LIPJ: variants seen among roughly 807,000 people sequenced by gnomAD.
The protein encoded by LIPJ is lipase family member J.
LIPJ carries 33 observed loss-of-function variants against 39.8 expected under a neutral mutation model. The observed-to-expected ratio is 0.83, with a 90% CI of 0.63 to 1.11. The LOEUF (loss-of-function observed/expected upper bound fraction) is 1.11. Ranked by LOEUF, LIPJ falls within the 50% of genes least tolerant of loss-of-function variation. LIPJ has a pLI of 0.00. For missense variants in LIPJ, 422 were observed against 427.9 expected, an observed-to-expected ratio of 0.99 and a Z score of 0.12; for synonymous variants, 128 against 139.2, an observed-to-expected ratio of 0.92 and a Z score of 0.57.
intron 8 of LIPJ, among the ~76,000 whole-genome samples, chr10:88,601,482 G>A (rs1396671527): frequency 1.3e-5 from 2 of 152,060 alleles, no homozygotes; most frequent in African/African-American, 2.4e-5. Context: ...ATGGCCTTTA[G>A]TCCAACTCTA....
downstream of LIPJ, among the ~76,000 whole-genome samples, chr10:88,608,415 A>C (rs939489632): frequency 1.3e-5 from 2 of 152,214 alleles, no homozygotes; most frequent in Non-Finnish European, 2.9e-5. Flanking sequence ...ACCTCAAATT[A>C]GTCTAAAAAA....
chr10:88,617,558 G>C, the LIPJ span, among the ~76,000 whole-genome samples: 5 of 152,094 alleles, frequency 3.3e-5, no homozygotes, highest in Non-Finnish European at 7.4e-5. Flanking sequence ...AGGAAAAGAA[G>C]AGCTCATTAG....
intron 9 of LIPJ, 133 bp downstream of exon 9, chr10:88,602,780 T>C: frequency 2.1e-6 from 1 of 472,660 alleles, no homozygotes; most frequent in Non-Finnish European, 3.5e-6. Context: ...TATATATTTC[T>C]ATAATTCCTT....
exon 11 of LIPJ, chr10:88,606,769 C>T (rs1359973012): frequency 3.1e-6 from 5 of 1,613,404 alleles, no homozygotes; most frequent in Non-Finnish European, 4.2e-6. Flanking sequence ...AAGACGTTAA[C>T]ATTTTACATT....
upstream of LIPJ, among the ~76,000 whole-genome samples, chr10:88,586,145 G>A (rs1359661595): frequency 2.0e-5 from 3 of 151,938 alleles, no homozygotes; most frequent in Non-Finnish European, 2.9e-5. Context: ...ATGATCATAC[G>A]CTCTTTCAAA....
chr10:88,621,426 G>T, the LIPJ span, among the ~76,000 whole-genome samples: 1 of 152,136 alleles, frequency 6.6e-6, no homozygotes, highest in African/African-American at 2.4e-5. Context: ...GCTACATACT[G>T]CATGATTCCA....
intron 4 of LIPJ, chr10:88,592,836 A>T (rs1851127271): frequency 6.6e-6 from 1 of 151,898 alleles, no homozygotes. Flanking sequence ...TTTACCTCTC[A>T]GCTAGCCTGC....
At chr10:88,593,992 C>T (rs138052355) in exon 5 of LIPJ, 240 of 1,612,166 alleles carry the variant, frequency 1.5e-4, no homozygotes, top group Admixed American at 3.3e-4. Context: ...TTACATCTGC[C>T]AGCAGCTGGA....
downstream of LIPJ, among the ~76,000 whole-genome samples, chr10:88,611,129 T>A (rs1224396169): frequency 6.6e-6 from 1 of 152,182 alleles, no homozygotes; most frequent in African/African-American, 2.4e-5. Flanking sequence ...TAGAGCCCAG[T>A]ACCTCCACTG....
chr10:88,618,041 G>T, the LIPJ span, among the ~76,000 whole-genome samples: 1 of 152,042 alleles, frequency 6.6e-6, no homozygotes, highest in Non-Finnish European at 1.5e-5. Context: ...TTGTCATAAT[G>T]CTTTCGGGCC....
the LIPJ span, among the ~76,000 whole-genome samples, chr10:88,621,015 T>A: frequency 6.6e-6 from 1 of 152,186 alleles, no homozygotes; most frequent in Non-Finnish European, 1.5e-5. Flanking sequence ...AATCCATTCC[T>A]GAAGATTCTA....
intron 9 of LIPJ, among the ~76,000 whole-genome samples, chr10:88,603,737 C>A (rs1387687474): frequency 1.3e-5 from 2 of 152,030 alleles, no homozygotes; most frequent in Non-Finnish European, 2.9e-5. Flanking sequence ...TTAATAAACA[C>A]TAGGTAACTT....
chr10:88,605,419 G>C (rs542312869), intron 9 of LIPJ, among the ~76,000 whole-genome samples: 5 of 152,234 alleles, frequency 3.3e-5, no homozygotes, highest in African/African-American at 1.2e-4. Context: ...TTCATATAAA[G>C]ACAATGGAAT....
exon 5 of LIPJ, chr10:88,594,013 T>G (rs1851169963): frequency 1.9e-6 from 3 of 1,612,404 alleles, no homozygotes; most frequent in Non-Finnish European, 2.5e-6. Flanking sequence ...TTTCCAATCT[T>G]CCCAACAATA....
At chr10:88,583,214 G>T, upstream of LIPJ, 3 of 1,612,622 alleles carry the variant, frequency 1.9e-6, no homozygotes, top group Non-Finnish European at 2.5e-6. Context: ...AGCGATCCGC[G>T]CTGAGTCTCT....
At chr10:88,589,105 T>C (rs1851002263) in intron 2 of LIPJ, among the ~76,000 whole-genome samples, 1 of 151,932 alleles carries the variant, frequency 6.6e-6, no homozygotes, top group Non-Finnish European at 1.5e-5. Context: ...TTTTAAAAGG[T>C]ATCTTGTTTC....
chr10:88,599,597 G>A lies in LIPJ; in HGVS notation c.723+2661G>A, dbSNP rs549339844. Among the ~76,000 whole-genome samples the A allele has an allele frequency of 2.0e-4, 30 of 151,500 alleles. No homozygotes were observed. In the South Asian group the frequency reaches 6.0e-3, roughly 31 times the overall value. The stretch of plus-strand genomic sequence containing the variant: ...AGGTTCATGTATGCTGTCACAAATG[G>A]CAGAATTTTTTCTTTTCTATGGTTG... On this transcript the variant is annotated intron_variant, in intron 8 of 10. Transcript: ENST00000371939.
the LIPJ span, among the ~76,000 whole-genome samples, chr10:88,614,706 T>C: frequency 1.3e-5 from 2 of 152,130 alleles, no homozygotes; most frequent in South Asian, 2.1e-4. Context: ...CTAAATTTTA[T>C]ATAGAATTGC....
At chr10:88,615,507 T>C in the LIPJ span, among the ~76,000 whole-genome samples, 1 of 150,274 alleles carries the variant, frequency 6.7e-6, no homozygotes, top group Admixed American at 6.6e-5. Context: ...GAGCCAAGAT[T>C]GTGCCACTGC....
Sources: allele counts gnomAD v4.1 joint callset (sites outside exome capture counted in the v4.1 genomes callset), GRCh38; gene constraint gnomAD v4.1.1; transcripts MANE v1.5; gene names NCBI Gene and HGNC (gene_info 2026-07-23, HGNC 2026-07-21).